ZBTB7B: variants seen among roughly 807,000 people sequenced by gnomAD.
The protein encoded by ZBTB7B is zinc finger and BTB domain-containing protein 7B.
Under a neutral mutation model 31.0 loss-of-function variants are expected in ZBTB7B, and 8 were observed. That is an observed-to-expected ratio of 0.26 (90% CI 0.15 to 0.47). The LOEUF (loss-of-function observed/expected upper bound fraction) is 0.47, where lower values mean the gene tolerates loss of function less well. Ranked by LOEUF, ZBTB7B falls within the 20% of genes least tolerant of loss-of-function variation. The pLI is 0.99. For missense variants in ZBTB7B, 494 were observed against 742.4 expected, an observed-to-expected ratio of 0.67 and a Z score of 3.89; for synonymous variants, 261 against 307.3, an observed-to-expected ratio of 0.85 and a Z score of 1.58.
At chr1:155,009,060 A>G (rs542860180) in intron 1 of ZBTB7B, among the ~76,000 whole-genome samples, 1 of 152,370 alleles carries the variant, frequency 6.6e-6, no homozygotes, top group East Asian at 1.9e-4. Context: ...GCCAAGGGTC[A>G]GAGGACTGAA....
intron 1 of ZBTB7B, chr1:155,011,112 C>A: frequency 9.0e-7 from 1 of 1,111,108 alleles, no homozygotes. Flanking sequence ...CCGCCTGCTG[C>A]CCCCCACACT....
chr1:155,007,073 T>C (rs1239458146), intron 1 of ZBTB7B, among the ~76,000 whole-genome samples: 1 of 152,236 alleles, frequency 6.6e-6, no homozygotes, highest in Non-Finnish European at 1.5e-5. Context: ...TGTTTCTGGA[T>C]GAAGGTGAAA....
At chr1:155,011,511 G>T (rs540498127) in intron 1 of ZBTB7B, among the ~76,000 whole-genome samples, 1 of 152,252 alleles carries the variant, frequency 6.6e-6, no homozygotes, top group Non-Finnish European at 1.5e-5. Flanking sequence ...GCTGCCCACC[G>T]GCTTGGCCGG....
In ZBTB7B at chr1:155,017,356, TAGAGGG is replaced by T. The variant is rs1558093710; in HGVS notation, c.*672_*677del. ...TTGGCTCGCCTGCCCCTGGGGGCAG[TAGAGGG>T]GCCCCGCCCAGCTAGGGGAGCCGCT... is the stretch of plus-strand genomic sequence containing the variant. On this transcript the variant is annotated 3_prime_UTR_variant, in exon 3 of 3. Coordinates refer to ENST00000535420, the MANE Select transcript of ZBTB7B (RefSeq NM_001256455.2). The T allele has an allele frequency of 1.3e-5, 2 of 152,292 alleles. No individual in the cohort carries two copies. The highest frequency in any genetic ancestry group is 2.1e-4 in the South Asian group (1 of 4,840). The allele number at this position is 152,292 out of a possible 1,614,324, so 9.4% of individuals were successfully genotyped here. A position where few individuals can be genotyped will look rare whatever the true frequency, so the allele number is the denominator to read the frequency against.
chr1:155,015,229 C>T lies in ZBTB7B; in HGVS notation c.569C>T (p.Pro190Leu), dbSNP rs549510566. The T allele has an allele frequency of 8.1e-6, 13 of 1,613,784 alleles. No homozygotes were observed. The East Asian group carries it at 1.3e-4, about 17-fold the overall frequency. Residue 190 changes from proline to leucine, a missense_variant, in exon 2 of 3, where the codon CCG (proline) becomes CTG (leucine). Pro to Leu is a moderately conservative substitution (Grantham distance 98). Transcript: ENST00000535420. The part of the protein sequence containing the change: ...SPPQVPLPPP[P>L]PPPPRPVARR... The stretch of plus-strand genomic sequence containing the variant: ...CCACAGGTGCCCCTCCCACCACCTC[C>T]GCCACCGCCACCTCGGCCTGTTGCC...
chr1:155,009,159 G>A (rs1330210150), intron 1 of ZBTB7B, among the ~76,000 whole-genome samples: 1 of 152,154 alleles, frequency 6.6e-6, no homozygotes, highest in Non-Finnish European at 1.5e-5. Flanking sequence ...AGGCCTCAGT[G>A]TTTAAGGGGA....
intron 1 of ZBTB7B, among the ~76,000 whole-genome samples, chr1:155,005,814 G>C (rs990236404): frequency 6.6e-6 from 1 of 152,140 alleles, no homozygotes; most frequent in Non-Finnish European, 1.5e-5. Context: ...TAAACTTGAC[G>C]TTTTGCCCGG....
At chr1:155,009,625 C>T (rs532324608) in intron 1 of ZBTB7B, among the ~76,000 whole-genome samples, 5 of 152,124 alleles carry the variant, frequency 3.3e-5, no homozygotes, top group South Asian at 2.1e-4. Flanking sequence ...CATCCGCTCT[C>T]GCTGCAAACC....
upstream of ZBTB7B, among the ~76,000 whole-genome samples, chr1:155,002,096 C>T (rs1158723488): frequency 6.6e-6 from 1 of 151,328 alleles, no homozygotes; most frequent in Non-Finnish European, 1.5e-5. Context: ...ATTCCCTGGC[C>T]GCTGCGGACA....
At position 155,002,854 on chromosome 1, in the gene ZBTB7B, G is replaced by A. The variant is rs967866299; in HGVS notation, c.-96G>A. On this transcript the variant is annotated 5_prime_UTR_variant, in exon 1 of 3. Coordinates refer to ENST00000535420, the MANE Select transcript of ZBTB7B (RefSeq NM_001256455.2). ...GGCCTTCTGACCAGGACCGGAGCAGGGCCCCAAGCCCCCGGGCCTGGTGGG... is the reference window on the plus strand; with the variant it reads ...GGCCTTCTGACCAGGACCGGAGCAGAGCCCCAAGCCCCCGGGCCTGGTGGG... 2 of 152,968 alleles carry A rather than the reference G, an allele frequency of 1.3e-5. No homozygotes were observed. Among genetic ancestry groups the A allele is most frequent in the Non-Finnish European group, 2.9e-5 (2 of 68,244 alleles). The allele number at this position is 152,968 out of a possible 1,614,324, so 9.5% of individuals were successfully genotyped here. A position where few individuals can be genotyped will look rare whatever the true frequency, so the allele number is the denominator to read the frequency against.
rs969412694 is a variant in ZBTB7B, at chr1:155,003,426, G to C, written c.-7+483G>C. Among the ~76,000 whole-genome samples, 2 of 152,352 alleles carry C rather than the reference G, an allele frequency of 1.3e-5. No homozygotes were observed. The highest frequency in any genetic ancestry group is 1.9e-4 in the East Asian group (1 of 5,184). On this transcript the variant is annotated intron_variant, in intron 1 of 2. Coordinates refer to ENST00000535420, the MANE Select transcript of ZBTB7B (RefSeq NM_001256455.2). This position sits in a 1 kb window ranked among gnomAD's most constrained non-coding sequence, Gnocchi z 5.8. The stretch of plus-strand genomic sequence containing the variant: ...AGGCCAGTTGCATGGGGGTTGGGGG[G>C]GCGCAGGAGGAGCCGCGGCTTGGGG...
intron 1 of ZBTB7B, 22 bp from the exon 2 acceptor site, chr1:155,014,633 T>G (rs1165233534): frequency 6.3e-7 from 1 of 1,592,274 alleles, no homozygotes; most frequent in Non-Finnish European, 8.6e-7. Flanking sequence ...GCTCTTAATC[T>G]CCCCTCTACT....
upstream of ZBTB7B, among the ~76,000 whole-genome samples, chr1:155,002,402 G>C (rs887927415): frequency 1.3e-5 from 2 of 149,318 alleles, no homozygotes; most frequent in Non-Finnish European, 3.0e-5. Context: ...GAAAGGAGGA[G>C]GGTGGGAAAG....
chr1:155,002,461 AG>A (rs1448853413), upstream of ZBTB7B, among the ~76,000 whole-genome samples: 76 of 118,588 alleles, frequency 6.4e-4, no homozygotes, highest in African/African-American at 2.3e-3. Flanking sequence ...AAAAGGAGGG[AG>A]GGACCCATCT....
chr1:155,016,438 G>A lies in ZBTB7B; in HGVS notation c.1373G>A (p.Arg458His), dbSNP rs377149863. ...HLKGQNCLEV[R>H]TRRRRKDDAP... ...AAAGGCCAGAACTGCCTGGAGGTGC[G>A]CACCCGACGGCGCCGCAAGGACGAT... The change falls in exon 3 of 3, where the codon CGC becomes CAC. Residue 458 changes from arginine to histidine, a missense_variant. This residue lies in a region of ZBTB7B where 101 missense variants were observed against 119.5 expected (regional missense o/e 0.85). Coordinates refer to ENST00000535420, the MANE Select transcript of ZBTB7B (RefSeq NM_001256455.2). This position sits in a 1 kb window ranked among gnomAD's most constrained non-coding sequence, Gnocchi z 4.3. The A allele has an allele frequency of 1.1e-5, 18 of 1,613,914 alleles. No individual in the cohort carries two copies. The highest frequency in any genetic ancestry group is 2.2e-5 in the East Asian group (1 of 44,892).
At chr1:155,009,331 G>T (rs1267411140) in intron 1 of ZBTB7B, among the ~76,000 whole-genome samples, 1 of 151,896 alleles carries the variant, frequency 6.6e-6, no homozygotes, top group East Asian at 1.9e-4. Flanking sequence ...CGGCTTGGCG[G>T]GTGTGGGGTT....
At chr1:155,007,715 A>C (rs1658647192) in intron 1 of ZBTB7B, among the ~76,000 whole-genome samples, 1 of 151,974 alleles carries the variant, frequency 6.6e-6, no homozygotes, top group Non-Finnish European at 1.5e-5. Flanking sequence ...CACAGTTGGC[A>C]TGGGGCGCTG....
In ZBTB7B at chr1:155,016,471, C is replaced by G; in HGVS notation, c.1406C>G (p.Pro469Arg). Residue 469 changes from proline (P) to arginine (R), a missense_variant, in exon 3 of 3, where the codon CCC becomes CGC. Physicochemically the swap from Pro to Arg is moderately radical, Grantham distance 103. Coordinates refer to ENST00000535420, the MANE Select transcript of ZBTB7B (RefSeq NM_001256455.2). The surrounding 1 kb of genome is among the most constrained non-coding windows in gnomAD (Gnocchi z 4.3). ...TRRRRKDDAP[P>R]HYPPPSTAAA... ...CGGCGCCGCAAGGACGATGCACCAC[C>G]CCACTACCCACCACCCTCTACCGCT... is the stretch of plus-strand genomic sequence containing the variant. The G allele has an allele frequency of 6.2e-7, 1 of 1,614,062 alleles. No homozygotes were observed.
chr1:155,006,442 C>G (rs1016116584), intron 1 of ZBTB7B, among the ~76,000 whole-genome samples: 5 of 152,192 alleles, frequency 3.3e-5, no homozygotes, highest in African/African-American at 1.2e-4. Context: ...GCTATCTTCC[C>G]CAGAACCAGG....
Sources: allele counts gnomAD v4.1 joint callset (sites outside exome capture counted in the v4.1 genomes callset), GRCh38; gene constraint gnomAD v4.1.1; regional missense constraint gnomAD v4.1.1; non-coding constraint Gnocchi (gnomAD v3.1); transcripts MANE v1.5; gene names NCBI Gene and HGNC (gene_info 2026-07-23, HGNC 2026-07-21).